Variants in ARHGAP25 observed in about 807,000 individuals in gnomAD.
ARHGAP25 encodes Rho GTPase activating protein 25.
ARHGAP25 carries 34 observed loss-of-function variants against 71.0 expected under a neutral mutation model. The observed-to-expected ratio is 0.48, with a 90% CI of 0.36 to 0.64. The LOEUF (loss-of-function observed/expected upper bound fraction) is 0.64. Ranked by LOEUF, ARHGAP25 falls within the 30% of genes least tolerant of loss-of-function variation. The pLI is 0.00. For missense variants in ARHGAP25, 706 were observed against 805.1 expected (o/e 0.88, Z 1.49); for synonymous variants, 282 against 296.5 (o/e 0.95, Z 0.50).
chr2:68,809,290 G>C (rs1398437530), intron 5 of ARHGAP25, among the ~76,000 whole-genome samples: 1 of 152,124 alleles, frequency 6.6e-6, no homozygotes, highest in Non-Finnish European at 1.5e-5. Context: ...GCAATGGGCA[G>C]AGCATAGAAT....
At chr2:68,810,940 T>C (rs1814918) in intron 5 of ARHGAP25, among the ~76,000 whole-genome samples, 85,207 of 151,258 alleles carry the variant, frequency 0.56, 24,460 homozygotes, top group East Asian at 0.87. Context: ...TGGGGTTTTG[T>C]CCTGTTGGCT....
At position 68,811,968 on chromosome 2, in the gene ARHGAP25, A is replaced by G. The variant is rs565187698; in HGVS notation, c.675-1319A>G. On this transcript the variant is annotated intron_variant, in intron 5 of 10. Transcript: ENST00000409202. ...GAATGCCAGGTTTTATCAATATGAA[A>G]TAAACAAACATTTCTTCAATAATCA... Among the ~76,000 whole-genome samples the G allele has an allele frequency of 3.3e-5, 5 of 152,352 alleles. 1 individual carries two copies. The highest frequency in any genetic ancestry group is 1.2e-4 in the African/African-American group (5 of 41,582).
At chr2:68,713,195 T>C (rs1674528952) in intron 2 of ARHGAP25, among the ~76,000 whole-genome samples, 1 of 152,192 alleles carries the variant, frequency 6.6e-6, no homozygotes, top group Non-Finnish European at 1.5e-5. Context: ...TGAGCAGTGG[T>C]TTGTAGTTCT....
chr2:68,774,877 C>G (rs1366611209), intron 1 of ARHGAP25: 3 of 1,304,858 alleles, frequency 2.3e-6, no homozygotes, highest in African/African-American at 3.0e-5. Flanking sequence ...AAAGGAAGCA[C>G]CTTTTGTCAG....
At chr2:68,755,852 T>G (rs1676452760) in intron 1 of ARHGAP25, among the ~76,000 whole-genome samples, 1 of 152,276 alleles carries the variant, frequency 6.6e-6, no homozygotes, top group South Asian at 2.1e-4. Context: ...TCTACAATTT[T>G]ACGTTAAGAT....
chr2:68,802,562 A>T (rs1346263114), intron 4 of ARHGAP25, among the ~76,000 whole-genome samples: 1 of 152,070 alleles, frequency 6.6e-6, no homozygotes, highest in Non-Finnish European at 1.5e-5. Flanking sequence ...CTAGGAGAGT[A>T]CCTGGCACTT....
Position 68,819,151 on chromosome 2 carries a change from T to G in ARHGAP25, c.1032T>G (p.Thr344=), listed in dbSNP as rs1223043127. ...RGTPQIQRVM[T]MMIRDHEVLF... ...CTCCTCAGATCCAAAGAGTGATGAC[T>G]ATGATGATCAGAGACCATGAAGTCC... is the stretch of plus-strand genomic sequence containing the variant. The change falls in exon 9 of 11, where the codon ACT becomes ACG. Residue 344 remains threonine (T), a synonymous_variant. Transcript: ENST00000409202. 2 of 1,582,780 alleles carry G rather than the reference T, an allele frequency of 1.3e-6. No homozygotes were observed. Among genetic ancestry groups the G allele is most frequent in the Admixed American group, 3.6e-5 (2 of 55,940 alleles).
chr2:68,753,258 A>G (rs183783891), intron 1 of ARHGAP25, among the ~76,000 whole-genome samples: 63 of 152,364 alleles, frequency 4.1e-4, no homozygotes, highest in Admixed American at 2.9e-3. Flanking sequence ...ATAGTAACAC[A>G]GCAAGTTGCT....
intron 2 of ARHGAP25, among the ~76,000 whole-genome samples, chr2:68,717,542 G>A (rs1674644145): frequency 1.3e-5 from 2 of 152,184 alleles, no homozygotes; most frequent in African/African-American, 2.4e-5. Flanking sequence ...GCTTGACAAG[G>A]GTGTTAGGTA....
intron 1 of ARHGAP25, among the ~76,000 whole-genome samples, chr2:68,761,738 T>C (rs1676834242): frequency 6.6e-6 from 1 of 152,056 alleles, no homozygotes; most frequent in East Asian, 1.9e-4. Flanking sequence ...AGATAACAAA[T>C]GTTGGTGAGG....
At chr2:68,788,527 T>C (rs1678922557) in intron 4 of ARHGAP25, among the ~76,000 whole-genome samples, 1 of 152,234 alleles carries the variant, frequency 6.6e-6, no homozygotes, top group Non-Finnish European at 1.5e-5. Flanking sequence ...TCAACACTTT[T>C]CTGGGTTTCA....
chr2:68,826,035 T>C lies in ARHGAP25; in HGVS notation c.1782T>C (p.Asn594=). The C allele has an allele frequency of 6.2e-7, 1 of 1,613,896 alleles. No homozygotes were observed. The change falls in exon 11 of 11, where the codon AAT becomes AAC. Residue 594 remains asparagine (N), a synonymous_variant. Coordinates refer to ENST00000409202, the MANE Select transcript of ARHGAP25 (RefSeq NM_001007231.3). ...YDVWAKVVRL[N]EELEKEKKKS... ...TTTGGGCTAAAGTGGTGAGGCTCAA[T>C]GAAGAACTGGAGAAGGAAAAGAAGA...
At chr2:68,776,947 C>G (rs980142803) in intron 2 of ARHGAP25, among the ~76,000 whole-genome samples, 25 of 152,122 alleles carry the variant, frequency 1.6e-4, no homozygotes, top group African/African-American at 5.8e-4. Context: ...TGCACATCAG[C>G]AGGACTTGGT....
intron 2 of ARHGAP25, among the ~76,000 whole-genome samples, chr2:68,725,173 T>C (rs1268885765): frequency 6.6e-6 from 1 of 152,300 alleles, no homozygotes; most frequent in East Asian, 1.9e-4. Context: ...TCATGCGCAG[T>C]GAGCTGAGCA....
At chr2:68,779,907 G>A (rs1353210091) in intron 2 of ARHGAP25, among the ~76,000 whole-genome samples, 1 of 152,232 alleles carries the variant, frequency 6.6e-6, no homozygotes, top group African/African-American at 2.4e-5. Context: ...CTTGAGGAAA[G>A]GGCCTGCAAT....
intron 1 of ARHGAP25, chr2:68,774,711 C>CTTCT: frequency 3.0e-6 from 3 of 1,001,976 alleles, no homozygotes; most frequent in Non-Finnish European, 3.6e-6. Flanking sequence ...GAGCTAACAG[C>CTTCT]TTCTGTCTTG....
At chr2:68,748,763 C>G (rs1425784662) in intron 1 of ARHGAP25, among the ~76,000 whole-genome samples, 1 of 152,148 alleles carries the variant, frequency 6.6e-6, no homozygotes, top group Non-Finnish European at 1.5e-5. Context: ...ATGTGGGTGA[C>G]TGAGCATTTA....
intron 5 of ARHGAP25, among the ~76,000 whole-genome samples, chr2:68,807,943 T>TTCACAG (rs1680497372): frequency 6.6e-6 from 1 of 152,214 alleles, no homozygotes; most frequent in South Asian, 2.1e-4. Flanking sequence ...GGACTTCTTG[T>TTCACAG]TAGTTTCCTG....
intron 6 of ARHGAP25, among the ~76,000 whole-genome samples, chr2:68,813,665 T>C (rs1680997624): frequency 6.6e-6 from 1 of 151,962 alleles, no homozygotes; most frequent in African/African-American, 2.4e-5. Context: ...ACATTAAAAG[T>C]AGTGAGAAAA....
Sources: gnomAD v4.1 joint callset for allele counts (sites outside exome capture counted in the v4.1 genomes callset) on GRCh38, gnomAD v4.1.1 for gene constraint, MANE v1.5 for transcripts, NCBI Gene and HGNC (gene_info 2026-07-23, HGNC 2026-07-21) for gene names.